Variants in PPP2CB observed in about 807,000 individuals in gnomAD.
The protein encoded by PPP2CB is serine/threonine-protein phosphatase 2A catalytic subunit beta isoform.
A neutral mutation model predicts 39.1 loss-of-function variants in PPP2CB; 18 were observed. That is an observed-to-expected ratio of 0.46 (90% CI 0.32 to 0.68). PPP2CB has a LOEUF of 0.68. Ranked by LOEUF, PPP2CB falls within the 30% of genes least tolerant of loss-of-function variation. PPP2CB has a pLI of 0.04. For synonymous variants in PPP2CB, 129 were observed against 133.8 expected (o/e 0.96, Z 0.25); for missense variants, 226 against 396.9 (o/e 0.57, Z 3.66).
intron 1 of PPP2CB, among the ~76,000 whole-genome samples, chr8:30,805,067 C>T (rs536966432): frequency 6.6e-5 from 10 of 152,210 alleles, no homozygotes; most frequent in South Asian, 4.2e-4. Context: ...GTTGAATGTA[C>T]GGGATAACTA....
At position 30,796,313 on chromosome 8, in the gene PPP2CB, A is replaced by G. The variant is rs1389156683; in HGVS notation, c.486+1268T>C. ...CCACGAGCAGTCTAAGAGAGAATTTATTACATTCTTGACAACTCTGGGCTT... is the reference window on the plus strand; with the variant it reads ...CCACGAGCAGTCTAAGAGAGAATTTGTTACATTCTTGACAACTCTGGGCTT... On this transcript the variant is annotated intron_variant, in intron 3 of 6. Transcript: ENST00000221138. 2.6e-5 allele frequency among the ~76,000 whole-genome samples: 4 copies of G among 152,216 alleles called. No individual in the cohort carries two copies. In the South Asian group the frequency reaches 6.2e-4, roughly 24 times the overall value.
chr8:30,799,539 A>G lies in PPP2CB; in HGVS notation c.312+7T>C. 2.5e-6 allele frequency: 4 copies of G among 1,603,634 alleles called. No individual in the cohort carries two copies. The highest frequency in any genetic ancestry group is 3.4e-6 in the Non-Finnish European group (4 of 1,172,902). On this transcript the variant is annotated splice_region_variant and intron_variant, in intron 2 of 6. Coordinates refer to ENST00000221138, the MANE Select transcript of PPP2CB (RefSeq NM_001009552.2). Reference sequence around the variant, plus strand: ...TTGAAAAAAAAATTGAATTTCAATAATCATACCTTTAATGCTACAAGAAGA... The same window carrying G: ...TTGAAAAAAAAATTGAATTTCAATAGTCATACCTTTAATGCTACAAGAAGA...
chr8:30,797,665 C>T lies in PPP2CB; in HGVS notation c.402G>A (p.Leu134=), dbSNP rs1258675663. The change falls in exon 3 of 7, where the codon CTG becomes CTA. Residue 134 remains leucine, a synonymous_variant. Transcript: ENST00000221138. ...TQVYGFYDEC[L]RKYGNANVWK... ...AAACGTTGGCATTCCCATACTTTCG[C>T]AGACATTCATCATAAAAGCCATATA... The T allele has an allele frequency of 4.3e-6, 7 of 1,613,836 alleles. No individual in the cohort carries two copies. The highest frequency in any genetic ancestry group is 1.7e-5 in the Admixed American group (1 of 59,978).
intron 3 of PPP2CB, among the ~76,000 whole-genome samples, chr8:30,796,194 G>A (rs1038658486): frequency 2.6e-5 from 4 of 151,952 alleles, no homozygotes; most frequent in Admixed American, 6.6e-5. Context: ...GCAAAGTATC[G>A]TCCTTTCAAA....
rs747593554 is a variant in PPP2CB at position 30,797,713 on chromosome 8, G to A, written c.354C>T (p.His118=). The change falls in exon 3 of 7, where the codon CAC becomes CAT. Residue 118 remains histidine, a synonymous_variant. Transcript: ENST00000221138. The part of the protein sequence containing the change: ...PERITILRGN[H]ESRQITQVYG... Reference sequence around the variant, plus strand: ...ATACTTGGGTAATTTGTCGGCTTTCGTGATTTCCTCTCAATATTGTAATGC... The same window carrying A: ...ATACTTGGGTAATTTGTCGGCTTTCATGATTTCCTCTCAATATTGTAATGC... 76 of 1,613,810 alleles carry A rather than the reference G, an allele frequency of 4.7e-5. 1 individual carries two copies. Among genetic ancestry groups the A allele is most frequent in the Non-Finnish European group, 5.9e-5 (70 of 1,179,982 alleles).
chr8:30,803,363 G>C (rs1368063911), intron 1 of PPP2CB, among the ~76,000 whole-genome samples: 2 of 151,910 alleles, frequency 1.3e-5, no homozygotes, highest in Non-Finnish European at 2.9e-5. Context: ...GACAACATGA[G>C]GAGACCCTGT....
At chr8:30,807,843 C>A (rs1049630625) in intron 1 of PPP2CB, among the ~76,000 whole-genome samples, 9 of 152,198 alleles carry the variant, frequency 5.9e-5, no homozygotes, top group African/African-American at 2.2e-4. Flanking sequence ...GTCAAATTCA[C>A]AATTAGCTTC....
chr8:30,794,149 A>C, intron 4 of PPP2CB, 43 bp downstream of exon 4: 2 of 1,607,980 alleles, frequency 1.2e-6, no homozygotes, highest in Non-Finnish European at 1.7e-6. Flanking sequence ...AAATGTGGTT[A>C]TATTTTCTTT....
At chr8:30,804,782 G>A (rs1409561116) in intron 1 of PPP2CB, among the ~76,000 whole-genome samples, 1 of 151,982 alleles carries the variant, frequency 6.6e-6, no homozygotes, top group Non-Finnish European at 1.5e-5. Context: ...TGGTGTCAGA[G>A]GTGAGAACAG....
In PPP2CB at chr8:30,797,762, A is replaced by C. The variant is rs370794913; in HGVS notation, c.313-8T>G. ...GCGTTCTGGATAACGCACCTGGAAG[A>C]AAAGGAGTAAAACCCATAGTAAAAT... On this transcript the variant is annotated splice_region_variant and splice_polypyrimidine_tract_variant and intron_variant, in intron 2 of 6. Coordinates refer to ENST00000221138, the MANE Select transcript of PPP2CB (RefSeq NM_001009552.2). 2.5e-6 allele frequency: 4 copies of C among 1,611,224 alleles called. No homozygotes were observed. The highest frequency in any genetic ancestry group is 1.7e-4 in the Middle Eastern group (1 of 5,792).
intron 1 of PPP2CB, 132 bp downstream of exon 1, chr8:30,812,188 G>C (rs908696968): frequency 4.1e-5 from 21 of 517,432 alleles, no homozygotes; most frequent in African/African-American, 2.0e-4. Flanking sequence ...GTGGACGCCG[G>C]AGCCGGACCC....
chr8:30,799,903 G>C (rs1244212638), intron 1 of PPP2CB, 148 bp from the exon 2 acceptor site: 1 of 643,624 alleles, frequency 1.6e-6, no homozygotes, highest in Non-Finnish European at 2.7e-6. Flanking sequence ...TCATTAGAAA[G>C]GCTATAATAA....
chr8:30,805,539 G>A (rs530281165), intron 1 of PPP2CB, among the ~76,000 whole-genome samples: 13 of 152,104 alleles, frequency 8.5e-5, no homozygotes, highest in African/African-American at 3.1e-4. Context: ...CAGCCTGGAT[G>A]ACAGAGAGAG....
chr8:30,800,462 A>G (rs147848483), intron 1 of PPP2CB, among the ~76,000 whole-genome samples: 1,733 of 152,340 alleles, frequency 0.011, 34 homozygotes, highest in African/African-American at 0.039. Flanking sequence ...ACATTCTTAC[A>G]CCAATTCATA....
At chr8:30,809,670 G>A (rs1025639273) in intron 1 of PPP2CB, among the ~76,000 whole-genome samples, 2 of 152,200 alleles carry the variant, frequency 1.3e-5, no homozygotes, top group African/African-American at 4.8e-5. Context: ...GCTAGGAGTG[G>A]TGGCTCACTC....
chr8:30,794,831 A>G (rs1470730342), intron 3 of PPP2CB, among the ~76,000 whole-genome samples: 3 of 152,202 alleles, frequency 2.0e-5, no homozygotes, highest in East Asian at 3.9e-4. Context: ...TACAGCAAAC[A>G]CTCTGATTCC....
chr8:30,799,189 G>GT (rs752898627), intron 2 of PPP2CB, among the ~76,000 whole-genome samples: 7 of 152,226 alleles, frequency 4.6e-5, no homozygotes, highest in Non-Finnish European at 8.8e-5. Flanking sequence ...CTAAGCTATT[G>GT]TAACAATCGA....
intron 2 of PPP2CB, among the ~76,000 whole-genome samples, chr8:30,798,059 T>C (rs896124417): frequency 5.3e-5 from 8 of 152,226 alleles, no homozygotes; most frequent in Non-Finnish European, 1.2e-4. Context: ...ATCTTCATCA[T>C]CAAATTATTA....
intron 2 of PPP2CB, among the ~76,000 whole-genome samples, chr8:30,798,639 A>T (rs1407361680): frequency 6.6e-6 from 1 of 152,244 alleles, no homozygotes; most frequent in Non-Finnish European, 1.5e-5. Context: ...CTCAGAATGT[A>T]TGCCTGCAGT....
Sources: allele counts gnomAD v4.1 joint callset (sites outside exome capture counted in the v4.1 genomes callset), GRCh38; gene constraint gnomAD v4.1.1; transcripts MANE v1.5; gene names NCBI Gene and HGNC (gene_info 2026-07-23, HGNC 2026-07-21).